Variants in BAZ2B observed in about 807,000 individuals in gnomAD.
BAZ2B encodes bromodomain adjacent to zinc finger domain 2B, also known as bromodomain adjacent to zinc finger domain protein 2B.
A neutral mutation model predicts 246.0 loss-of-function variants in BAZ2B; 91 were observed. That is an observed-to-expected ratio of 0.37 (90% CI 0.31 to 0.44). The LOEUF (loss-of-function observed/expected upper bound fraction) is 0.44, where lower values mean the gene tolerates loss of function less well. Ranked by LOEUF, BAZ2B falls within the 20% of genes least tolerant of loss-of-function variation. BAZ2B has a pLI of 1.00. For synonymous variants in BAZ2B, 855 were observed against 860.0 expected (o/e 0.99, Z 0.10); for missense variants, 2,332 against 2,533.7 (o/e 0.92, Z 1.71).
the BAZ2B span, among the ~76,000 whole-genome samples, chr2:159,644,741 A>G: frequency 6.6e-6 from 1 of 152,074 alleles, no homozygotes; most frequent in African/African-American, 2.4e-5. Flanking sequence ...TTCTGCTGAG[A>G]TTGACGAATA....
the BAZ2B span, among the ~76,000 whole-genome samples, chr2:159,700,705 A>AT: frequency 2.6e-5 from 4 of 152,146 alleles, no homozygotes; most frequent in Non-Finnish European, 2.9e-5. Context: ...TCAGCCTCCC[A>AT]AAGTGTTGGG....
chr2:159,570,384 T>C (rs1683701488), intron 1 of BAZ2B, among the ~76,000 whole-genome samples: 1 of 152,020 alleles, frequency 6.6e-6, no homozygotes, highest in South Asian at 2.1e-4. Context: ...AAGGTTTCAC[T>C]GTTGGCCAGG....
At chr2:159,627,415 C>A in the BAZ2B span, among the ~76,000 whole-genome samples, 1 of 151,772 alleles carries the variant, frequency 6.6e-6, no homozygotes, top group South Asian at 2.1e-4. Flanking sequence ...TGTGAAAATT[C>A]TCAATAAAAA....
At chr2:159,684,268 A>G in the BAZ2B span, among the ~76,000 whole-genome samples, 4 of 152,376 alleles carry the variant, frequency 2.6e-5, no homozygotes, top group East Asian at 5.8e-4. Flanking sequence ...TAAAGCTGCT[A>G]TGAACACTGA....
chr2:159,702,481 C>A, the BAZ2B span, among the ~76,000 whole-genome samples: 7 of 152,062 alleles, frequency 4.6e-5, no homozygotes, highest in Non-Finnish European at 8.8e-5. Context: ...CTTAATACAT[C>A]CCATTAAAGT....
At chr2:159,393,116 A>G (rs996441805) in intron 20 of BAZ2B, among the ~76,000 whole-genome samples, 1 of 150,012 alleles carries the variant, frequency 6.7e-6, no homozygotes, top group Non-Finnish European at 1.5e-5. Context: ...AACAAGACAA[A>G]AATGATCAGA....
chr2:159,325,966 A>G (rs769091896), intron 34 of BAZ2B, 48 bp from the exon 35 acceptor site: 3 of 1,434,384 alleles, frequency 2.1e-6, no homozygotes, highest in South Asian at 1.3e-5. Flanking sequence ...GTGACTGTCT[A>G]CAGACCTATT....
In BAZ2B at chr2:159,324,951, C is replaced by A. The variant is rs1188389857; in HGVS notation, c.6213G>T (p.Met2071Ile). The A allele has an allele frequency of 9.9e-6, 15 of 1,518,878 alleles. No individual in the cohort carries two copies. The Admixed American group carries it at 1.8e-4, about 18-fold the overall frequency. The allele number at this position is 1,518,878 out of a possible 1,614,324, so 94.1% of individuals were successfully genotyped here. ...CATGAGTTTCCATTTCAGTCAGAATCATACTAAAGAAAATAATGTTTGAAA... is the reference window on the plus strand; with the variant it reads ...CATGAGTTTCCATTTCAGTCAGAATAATACTAAAGAAAATAATGTTTGAAA... ...DDSKDLALCS[M>I]ILTEMETHED... Residue 2071 changes from methionine to isoleucine, a missense_variant, in exon 36 of 37, where the codon ATG (methionine) becomes ATT (isoleucine). Around this residue, in one of 9 missense-constraint regions of BAZ2B, gnomAD observed 210 missense variants for 232.5 expected, o/e 0.90. Transcript: ENST00000392783.
At chr2:159,347,919 A>AG (rs2058112778) in intron 30 of BAZ2B, among the ~76,000 whole-genome samples, 1 of 152,234 alleles carries the variant, frequency 6.6e-6, no homozygotes, top group Non-Finnish European at 1.5e-5. Flanking sequence ...AAAAAATAGT[A>AG]GTGCATTAAG....
At chr2:159,389,313 G>A (rs184172514) in intron 21 of BAZ2B, 32 bp downstream of exon 21, 2 of 1,524,124 alleles carry the variant, frequency 1.3e-6, no homozygotes, top group African/African-American at 2.8e-5. Flanking sequence ...TTAAACTTAT[G>A]AATGAAATGG....
intron 26 of BAZ2B, among the ~76,000 whole-genome samples, chr2:159,373,897 T>G (rs1430459198): frequency 6.6e-6 from 1 of 152,202 alleles, no homozygotes; most frequent in African/African-American, 2.4e-5. Context: ...ATGTTTACAC[T>G]CATGTTGTAA....
chr2:159,416,179 C>T (rs1396052354), intron 13 of BAZ2B, among the ~76,000 whole-genome samples: 3 of 152,192 alleles, frequency 2.0e-5, no homozygotes, highest in Non-Finnish European at 4.4e-5. Context: ...TTCATATATA[C>T]ATATGCTAAA....
intron 1 of BAZ2B, among the ~76,000 whole-genome samples, chr2:159,575,015 G>A (rs993559365): frequency 2.6e-5 from 4 of 151,928 alleles, no homozygotes; most frequent in African/African-American, 9.7e-5. Context: ...ATAAAATGAA[G>A]TTGTAATACA....
intron 31 of BAZ2B, 62 bp downstream of exon 31, chr2:159,347,424 G>A (rs1235928948): frequency 6.6e-6 from 10 of 1,505,458 alleles, no homozygotes; most frequent in Admixed American, 5.0e-5. Context: ...TATTAGGCAA[G>A]TAATAAACAT....
intron 13 of BAZ2B, among the ~76,000 whole-genome samples, chr2:159,414,694 G>A (rs1429744985): frequency 6.6e-6 from 1 of 151,918 alleles, no homozygotes; most frequent in African/African-American, 2.4e-5. Flanking sequence ...GCGGGTGCCT[G>A]TAGTGCTAGC....
chr2:159,416,194 A>G (rs1480415704), intron 13 of BAZ2B, among the ~76,000 whole-genome samples: 1 of 152,224 alleles, frequency 6.6e-6, no homozygotes, highest in Admixed American at 6.5e-5. Flanking sequence ...GCTAAAAATA[A>G]CATCTATACT....
At chr2:159,383,758 G>T (rs1282436387) in intron 23 of BAZ2B, 78 bp from the exon 24 acceptor site, 2 of 1,247,526 alleles carry the variant, frequency 1.6e-6, no homozygotes, top group African/African-American at 1.5e-5. Flanking sequence ...CAATAAACTT[G>T]ATACGTAAAT....
At chr2:159,464,939 C>T (rs1162748569) in intron 3 of BAZ2B, among the ~76,000 whole-genome samples, 1 of 152,062 alleles carries the variant, frequency 6.6e-6, no homozygotes, top group Non-Finnish European at 1.5e-5. Flanking sequence ...ACTTATGTTT[C>T]AATACATAAG....
chr2:159,708,569 A>C, the BAZ2B span, among the ~76,000 whole-genome samples: 11 of 50,984 alleles, frequency 2.2e-4, no homozygotes, highest in African/African-American at 7.9e-4. Flanking sequence ...TTATTTATTT[A>C]TTTATTTATT....
Sources: allele counts gnomAD v4.1 joint callset (sites outside exome capture counted in the v4.1 genomes callset), GRCh38; gene constraint gnomAD v4.1.1; regional missense constraint gnomAD v4.1.1; transcripts MANE v1.5; gene names NCBI Gene and HGNC (gene_info 2026-07-23, HGNC 2026-07-21).